DCAF1: variants seen among roughly 807,000 people sequenced by gnomAD.
The protein encoded by DCAF1 is DDB1- and CUL4-associated factor 1.
Under a neutral mutation model 128.0 loss-of-function variants are expected in DCAF1, and 15 were observed. The ratio of observed to expected loss-of-function variants is 0.12; its 90% CI spans 0.08 to 0.18. DCAF1 has a LOEUF of 0.18. Ranked by LOEUF, DCAF1 falls within the 10% of genes least tolerant of loss-of-function variation. The pLI, the probability that DCAF1 is intolerant of heterozygous loss-of-function variation, is 1.00. For missense variants in DCAF1, 988 were observed against 1,649.5 expected, an observed-to-expected ratio of 0.60 and a Z score of 6.95; for synonymous variants, 610 against 603.0, an observed-to-expected ratio of 1.01 and a Z score of -0.17.
intron 9 of DCAF1, 125 bp downstream of exon 9, chr3:51,440,845 G>A (rs1701293698): frequency 1.5e-6 from 1 of 682,616 alleles, no homozygotes; most frequent in Non-Finnish European, 2.5e-6. Context: ...GGCGGAGGTT[G>A]CAGTGAGCCA....
At position 51,429,373 on chromosome 3, in the gene DCAF1, A is replaced by G. The variant is rs1553634966; in HGVS notation, c.1565T>C (p.Met522Thr). The change falls in exon 12 of 25, where the codon ATG (methionine) becomes ACG (threonine). Residue 522 changes from methionine to threonine, a missense_variant. By Grantham distance (81) the Met-to-Thr change is moderately conservative (BLOSUM62 -1). This residue lies in a region of DCAF1 where 185 missense variants were observed against 248.1 expected (regional missense o/e 0.75). Coordinates refer to ENST00000684031, the MANE Select transcript of DCAF1 (RefSeq NM_001387579.1). ...AGCCTCAAAGTATTTGCGCAAGGCC[A>G]TGCAGGTATGTTTCCCAGTTTGGCG... ...ASRQTGKHTC[M>T]ALRKYFEAHL... The G allele has an allele frequency of 1.3e-6, 1 of 780,928 alleles. No individual in the cohort carries two copies. The highest frequency in any genetic ancestry group is 2.4e-6 in the Non-Finnish European group (1 of 417,996). The allele number at this position is 780,928 out of a possible 1,614,324, so 48.4% of individuals were successfully genotyped here. A position where few individuals can be genotyped will look rare whatever the true frequency, so the allele number is the denominator to read the frequency against.
intron 9 of DCAF1, chr3:51,440,134 C>T (rs1489316804): frequency 5.9e-6 from 3 of 505,784 alleles, no homozygotes; most frequent in Non-Finnish European, 1.2e-5. Context: ...CACTTTTTAT[C>T]TCAACGTTCA....
intron 2 of DCAF1, among the ~76,000 whole-genome samples, chr3:51,485,224 C>G (rs536081017): frequency 2.0e-5 from 3 of 152,118 alleles, no homozygotes; most frequent in Admixed American, 6.6e-5. Context: ...TCTGTTAATT[C>G]TTAAAGAGAA....
At chr3:51,481,220 T>C (rs782454627) in intron 3 of DCAF1, among the ~76,000 whole-genome samples, 1 of 152,216 alleles carries the variant, frequency 6.6e-6, no homozygotes, top group Non-Finnish European at 1.5e-5. Flanking sequence ...CTTTACATTT[T>C]ACTCTGTAGG....
chr3:51,446,969 T>TAATAATAATAAG (rs1701919911), intron 6 of DCAF1, among the ~76,000 whole-genome samples: 1 of 142,532 alleles, frequency 7.0e-6, no homozygotes, highest in Non-Finnish European at 1.5e-5. Context: ...TCAAAAATAA[T>TAATAATAATAAG]AATAATAATA....
chr3:51,448,198 T>C (rs1702056189), intron 6 of DCAF1, among the ~76,000 whole-genome samples: 1 of 152,232 alleles, frequency 6.6e-6, no homozygotes, highest in South Asian at 2.1e-4. Context: ...TCTCTCTGAA[T>C]GTGCCTTTGT....
chr3:51,483,139 G>A (rs375106672), intron 3 of DCAF1, among the ~76,000 whole-genome samples: 28 of 125,038 alleles, frequency 2.2e-4, no homozygotes, highest in South Asian at 5.2e-4. Flanking sequence ...AACTCCGTAT[G>A]AAAAAAAAAA....
intron 10 of DCAF1, among the ~76,000 whole-genome samples, chr3:51,432,631 GTATTTT>G (rs1700490997): frequency 6.6e-6 from 1 of 152,026 alleles, no homozygotes; most frequent in Non-Finnish European, 1.5e-5. Context: ...GCTAATTTTT[GTATTTT>G]TAGTAGAGAC....
At chr3:51,404,672 A>C (rs1258846770) in intron 23 of DCAF1, among the ~76,000 whole-genome samples, 7 of 152,188 alleles carry the variant, frequency 4.6e-5, no homozygotes, top group Admixed American at 4.6e-4. Context: ...TGTTGGAAAA[A>C]CTGAGCCCCT....
At chr3:51,461,365 C>A (rs1335692596) in intron 6 of DCAF1, among the ~76,000 whole-genome samples, 1 of 152,198 alleles carries the variant, frequency 6.6e-6, no homozygotes, top group African/African-American at 2.4e-5. Context: ...CAATGAGATA[C>A]CATGTCACAC....
chr3:51,419,353 C>T (rs1553631608), intron 15 of DCAF1, among the ~76,000 whole-genome samples: 2 of 150,228 alleles, frequency 1.3e-5, no homozygotes, highest in Non-Finnish European at 3.0e-5. Context: ...AGAGAGACTC[C>T]GTCTCCAAAA....
At chr3:51,493,098 A>G (rs1406712628) in intron 2 of DCAF1, among the ~76,000 whole-genome samples, 8 of 151,818 alleles carry the variant, frequency 5.3e-5, no homozygotes, top group African/African-American at 1.9e-4. Context: ...TTTAAGTCAC[A>G]TGTAGAATTA....
At chr3:51,495,080 T>C (rs1708086260) in intron 2 of DCAF1, among the ~76,000 whole-genome samples, 1 of 152,088 alleles carries the variant, frequency 6.6e-6, no homozygotes, top group Non-Finnish European at 1.5e-5. Context: ...CCCTGCACTT[T>C]GGGAGGCCAA....
chr3:51,492,091 G>C (rs983809336), intron 2 of DCAF1, among the ~76,000 whole-genome samples: 1 of 151,402 alleles, frequency 6.6e-6, no homozygotes, highest in East Asian at 1.9e-4. Context: ...TGCGGGAGGC[G>C]GAAGTTGCAG....
intron 10 of DCAF1, among the ~76,000 whole-genome samples, 157 bp from the exon 11 acceptor site, chr3:51,430,369 A>C (rs1700260459): frequency 6.6e-6 from 1 of 152,252 alleles, no homozygotes; most frequent in Non-Finnish European, 1.5e-5. Flanking sequence ...ATACAAAGGC[A>C]ATTTTAGAAC....
At chr3:51,434,625 T>C (rs1167091680) in intron 9 of DCAF1, among the ~76,000 whole-genome samples, 6 of 152,230 alleles carry the variant, frequency 3.9e-5, no homozygotes, top group African/African-American at 1.4e-4. Flanking sequence ...CATCAACTAA[T>C]GAATTCCCAA....
intron 16 of DCAF1, 88 bp from the exon 17 acceptor site, chr3:51,418,286 A>G (rs1699080141): frequency 1.3e-6 from 2 of 1,514,074 alleles, no homozygotes; most frequent in South Asian, 1.3e-5. Flanking sequence ...AAAGATTTGC[A>G]TAAAAATGTT....
chr3:51,443,787 A>G lies in DCAF1; in HGVS notation c.492T>C (p.Tyr164=). 1 of 1,610,732 alleles carries G rather than the reference A, an allele frequency of 6.2e-7. No homozygotes were observed. Among genetic ancestry groups the G allele is most frequent in the Non-Finnish European group, 8.5e-7 (1 of 1,179,070 alleles). Residue 164 remains tyrosine (Y), a synonymous_variant, in exon 7 of 25, where the codon TAT becomes TAC. Transcript: ENST00000684031. The stretch of plus-strand genomic sequence containing the variant: ...TTACCAGCTGTGAATTTTCATCTCT[A>G]TAGTTGGCAGCAATGTCTTGATTTT... The part of the protein sequence containing the change: ...AMENQDIAAN[Y]RDENSQLVAI...
At chr3:51,488,454 G>C (rs1398387441) in intron 2 of DCAF1, among the ~76,000 whole-genome samples, 1 of 151,988 alleles carries the variant, frequency 6.6e-6, no homozygotes. Context: ...AAGGCGGGTG[G>C]ATCATGAGGT....
Sources: gnomAD v4.1 joint callset for allele counts (sites outside exome capture counted in the v4.1 genomes callset) on GRCh38, gnomAD v4.1.1 for gene constraint, gnomAD v4.1.1 regional missense constraint, MANE v1.5 for transcripts, NCBI Gene and HGNC (gene_info 2026-07-23, HGNC 2026-07-21) for gene names.